HACE1: variants seen among roughly 807,000 people sequenced by gnomAD.
The protein encoded by HACE1 is E3 ubiquitin-protein ligase HACE1.
In HACE1, 73 loss-of-function variants were observed where a neutral mutation model predicts 118.4. The ratio of observed to expected loss-of-function variants is 0.62; its 90% CI spans 0.51 to 0.75. The LOEUF (loss-of-function observed/expected upper bound fraction) is 0.75. Among genes scored for constraint, HACE1 ranks in the 30% least tolerant of loss-of-function variants. The pLI is 0.00. For missense variants in HACE1, 749 were observed against 1,102.2 expected (o/e 0.68, Z 4.54); for synonymous variants, 368 against 374.8 (o/e 0.98, Z 0.21).
At position 104,776,745 on chromosome 6, in the gene HACE1, A is replaced by G. The variant is rs1781262974; in HGVS notation, c.1860T>C (p.Ala620=). ...CATCTAGACTGTACAACTTACCATCAGCTGACTGGGTAAACAATGCATAAT... is the reference window on the plus strand; with the variant it reads ...CATCTAGACTGTACAACTTACCATCGGCTGACTGGGTAAACAATGCATAAT... ...NPDYALFTQS[A]DGTTFQPNSN... is the part of the protein sequence containing the mutation. The change falls in exon 17 of 24, where the codon GCT becomes GCC. Residue 620 remains alanine, a synonymous_variant. Coordinates refer to ENST00000262903, the MANE Select transcript of HACE1 (RefSeq NM_020771.4). 6.3e-7 allele frequency: 1 copy of G among 1,584,574 alleles called. No individual in the cohort carries two copies. The highest frequency in any genetic ancestry group is 1.1e-5 in the South Asian group (1 of 90,564).
At chr6:104,737,811 T>A (rs1234077598) in intron 22 of HACE1, among the ~76,000 whole-genome samples, 1 of 152,190 alleles carries the variant, frequency 6.6e-6, no homozygotes, top group African/African-American at 2.4e-5. Context: ...AAGCCCGAAC[T>A]GGGTGGAGCC....
At position 104,744,174 on chromosome 6, in the gene HACE1, C is replaced by A; in HGVS notation, c.2499G>T (p.Gln833His). 1 of 1,591,984 alleles carries A rather than the reference C, an allele frequency of 6.3e-7. No homozygotes were observed. Among genetic ancestry groups the A allele is most frequent in the Non-Finnish European group, 8.6e-7 (1 of 1,160,026 alleles). The change falls in exon 22 of 24, where the codon CAG becomes CAT. Residue 833 changes from glutamine (Q) to histidine (H), a missense_variant. Coordinates refer to ENST00000262903, the MANE Select transcript of HACE1 (RefSeq NM_020771.4). ...ATACTGCTTACCTGCCCGTAACAAA[C>A]TGTAAGAGAAGAACTCTCTCCTCTT... ...ITQEERVLLL[Q>H]FVTGSSRVPH...
chr6:104,745,954 T>A (rs1005021719), intron 20 of HACE1, among the ~76,000 whole-genome samples: 1 of 152,200 alleles, frequency 6.6e-6, no homozygotes, highest in Admixed American at 6.5e-5. Flanking sequence ...TTTCTTCATA[T>A]ATTTCAACCA....
chr6:104,849,790 A>G (rs1421710646), intron 3 of HACE1, among the ~76,000 whole-genome samples: 2 of 151,740 alleles, frequency 1.3e-5, no homozygotes, highest in East Asian at 3.9e-4. Context: ...CTGGGACTAC[A>G]GGCACCTGCC....
At chr6:104,764,747 A>C (rs779398605) in intron 19 of HACE1, among the ~76,000 whole-genome samples, 1 of 152,158 alleles carries the variant, frequency 6.6e-6, no homozygotes, top group Non-Finnish European at 1.5e-5. Context: ...TTCAATATCC[A>C]CTTCTTTCAG....
rs569305397 is a variant in HACE1 at position 104,769,390 on chromosome 6, A to C, written c.2211+1803T>G. On this transcript the variant is annotated intron_variant, in intron 19 of 23. Transcript: ENST00000262903. ...TCACCAGATATAGTATTCACAGATA[A>C]GAATCATGTTTATGGTTCTCTTATC... Among the ~76,000 whole-genome samples, 21 of 152,328 alleles carry C rather than the reference A, an allele frequency of 1.4e-4. No homozygotes were observed. In the East Asian group the frequency reaches 4.0e-3, roughly 29 times the overall value.
intron 6 of HACE1, among the ~76,000 whole-genome samples, chr6:104,825,094 A>G (rs554164165): frequency 1.7e-3 from 263 of 151,706 alleles, no homozygotes; most frequent in Admixed American, 4.7e-3. Flanking sequence ...AAAAAAAAAA[A>G]AAAGAAAGAA....
At chr6:104,845,335 C>G (rs1216039800) in intron 4 of HACE1, among the ~76,000 whole-genome samples, 1 of 151,964 alleles carries the variant, frequency 6.6e-6, no homozygotes, top group Non-Finnish European at 1.5e-5. Flanking sequence ...AGCTAAAATT[C>G]TCATTGATTG....
intron 19 of HACE1, among the ~76,000 whole-genome samples, chr6:104,758,645 T>C (rs9499955): frequency 0.21 from 31,689 of 152,030 alleles, 4,010 homozygotes; most frequent in African/African-American, 0.37. Flanking sequence ...CATCAATAAA[T>C]GGGCAAAATA....
intron 19 of HACE1, among the ~76,000 whole-genome samples, chr6:104,767,480 C>G (rs1780140083): frequency 6.6e-6 from 1 of 152,138 alleles, no homozygotes; most frequent in African/African-American, 2.4e-5. Context: ...CTAGTACCGC[C>G]CCATTTCAAC....
intron 2 of HACE1, among the ~76,000 whole-genome samples, chr6:104,851,741 A>C (rs63028460): frequency 7.6e-5 from 10 of 132,124 alleles, no homozygotes. Context: ...AAAAAAAAAA[A>C]TTTTTTTAAC....
chr6:104,836,920 G>T (rs576240706), intron 5 of HACE1, among the ~76,000 whole-genome samples: 1 of 152,066 alleles, frequency 6.6e-6, no homozygotes, highest in Non-Finnish European at 1.5e-5. Flanking sequence ...CAAAGAAAAT[G>T]AAACAGTTAT....
At chr6:104,741,854 T>A (rs1776754643) in intron 22 of HACE1, among the ~76,000 whole-genome samples, 1 of 147,712 alleles carries the variant, frequency 6.8e-6, no homozygotes, top group South Asian at 2.1e-4. Context: ...CATCACCAAG[T>A]CAATCTTAAG....
At chr6:104,850,668 G>T (rs1291950085) in intron 3 of HACE1, among the ~76,000 whole-genome samples, 1 of 152,174 alleles carries the variant, frequency 6.6e-6, no homozygotes, top group Non-Finnish European at 1.5e-5. Context: ...CAATCTCCAT[G>T]TCTAACCTAC....
chr6:104,764,275 A>C (rs1319953755), intron 19 of HACE1, among the ~76,000 whole-genome samples: 1 of 151,990 alleles, frequency 6.6e-6, no homozygotes, highest in African/African-American at 2.4e-5. Context: ...ACGGGGTTTC[A>C]CCATATTGGC....
At position 104,728,559 on chromosome 6, in the gene HACE1, T is replaced by C. The variant is rs544529250; in HGVS notation, c.*1103A>G. The C allele has an allele frequency of 6.6e-6, 1 of 152,334 alleles. No homozygotes were observed. Among genetic ancestry groups the C allele is most frequent in the African/African-American group, 2.4e-5 (1 of 41,582 alleles). 9.4% of individuals were successfully genotyped at this position (152,334 alleles called of 1,614,324 possible). On this transcript the variant is annotated 3_prime_UTR_variant, in exon 24 of 24. Transcript: ENST00000262903. ...GACTGCTTATGAGAAAATCTGCATA[T>C]GTCATTCTACAAACAGTAATGTCAT...
intron 22 of HACE1, among the ~76,000 whole-genome samples, chr6:104,737,880 C>T (rs1776102521): frequency 6.6e-6 from 1 of 152,212 alleles, no homozygotes; most frequent in South Asian, 2.1e-4. Flanking sequence ...GGGCAGGGCA[C>T]AGACAAACAA....
chr6:104,748,326 T>C (rs1252133445), intron 20 of HACE1, among the ~76,000 whole-genome samples: 3 of 151,770 alleles, frequency 2.0e-5, no homozygotes, highest in African/African-American at 7.3e-5. Context: ...GCTATAATCA[T>C]AAAAGGTGTG....
chr6:104,848,287 C>T (rs921860278), intron 4 of HACE1, among the ~76,000 whole-genome samples: 4 of 151,194 alleles, frequency 2.6e-5, no homozygotes, highest in African/African-American at 9.7e-5. Flanking sequence ...GAAACCCCGT[C>T]TCTACTAAAA....
Sources: gnomAD v4.1 joint callset for allele counts (sites outside exome capture counted in the v4.1 genomes callset) on GRCh38, gnomAD v4.1.1 for gene constraint, MANE v1.5 for transcripts, NCBI Gene and HGNC (gene_info 2026-07-23, HGNC 2026-07-21) for gene names.